OTOP1: variants seen among roughly 807,000 people sequenced by gnomAD.
OTOP1 encodes otopetrin 1.
In OTOP1, 59 loss-of-function variants were observed where a neutral mutation model predicts 52.9. The observed-to-expected ratio is 1.12, with a 90% CI of 0.91 to 1.39. The LOEUF is 1.39. OTOP1 is among the 40% of genes most tolerant of loss of function. The pLI, the probability that OTOP1 is intolerant of heterozygous loss-of-function variation, is 0.00. For synonymous variants in OTOP1, 317 were observed against 337.7 expected (o/e 0.94, Z 0.67); for missense variants, 761 against 800.9 (o/e 0.95, Z 0.60).
intron 5 of OTOP1, among the ~76,000 whole-genome samples, chr4:4,191,433 T>C (rs1184052774): frequency 1.3e-5 from 2 of 152,068 alleles, no homozygotes; most frequent in Admixed American, 1.3e-4. Context: ...AAATCTACAC[T>C]CCCGCATGGG....
chr4:4,201,404 G>T (rs1716783179), intron 4 of OTOP1, among the ~76,000 whole-genome samples: 1 of 150,826 alleles, frequency 6.6e-6, no homozygotes, highest in African/African-American at 2.4e-5. Context: ...TCCAGCTTAG[G>T]CAACAGAGTG....
chr4:4,202,672 C>A, intron 3 of OTOP1, 94 bp from the exon 4 acceptor site: 1 of 1,479,488 alleles, frequency 6.8e-7, no homozygotes, highest in Non-Finnish European at 9.3e-7. Context: ...TACATGGCTC[C>A]TTCTCAGCCA....
In OTOP1 at chr4:4,188,982, G is replaced by A. The variant is rs1716430032; in HGVS notation, c.1669-9C>T. On this transcript the variant is annotated splice_polypyrimidine_tract_variant and intron_variant, in intron 5 of 5. Transcript: ENST00000296358. ...GCGGGAGGTATCCAAAGCTGCAAGA[G>A]AAGAGAAAATGGCATGTGGTGGGGA... 1 of 1,609,898 alleles carries A rather than the reference G, an allele frequency of 6.2e-7. No individual in the cohort carries two copies. Among genetic ancestry groups the A allele is most frequent in the Non-Finnish European group, 8.5e-7 (1 of 1,178,026 alleles).
chr4:4,199,604 G>T (rs1716734493), intron 4 of OTOP1, among the ~76,000 whole-genome samples: 1 of 152,064 alleles, frequency 6.6e-6, no homozygotes, highest in Non-Finnish European at 1.5e-5. Context: ...GTAGAGACAG[G>T]GTTCCGCCAC....
At chr4:4,204,317 C>T (rs747653765) in intron 3 of OTOP1, among the ~76,000 whole-genome samples, 2 of 152,144 alleles carry the variant, frequency 1.3e-5, no homozygotes, top group South Asian at 2.1e-4. Flanking sequence ...CAGCCTTCCC[C>T]GAGGTGCCTG....
At chr4:4,225,425 T>G (rs538863957) in intron 1 of OTOP1, among the ~76,000 whole-genome samples, 2 of 152,220 alleles carry the variant, frequency 1.3e-5, no homozygotes, top group South Asian at 4.2e-4. Flanking sequence ...AAAACTTAGC[T>G]GGGCAAGGCC....
chr4:4,192,213 G>A (rs1341815503), intron 5 of OTOP1, among the ~76,000 whole-genome samples: 4 of 152,090 alleles, frequency 2.6e-5, no homozygotes, highest in Admixed American at 2.0e-4. Flanking sequence ...CACCAAGTAC[G>A]GAGTCCGACC....
chr4:4,195,323 G>A (rs868641926), intron 5 of OTOP1, among the ~76,000 whole-genome samples: 1 of 152,184 alleles, frequency 6.6e-6, no homozygotes, highest in Non-Finnish European at 1.5e-5. Context: ...TGATAACCTG[G>A]TGAACTTCCA....
chr4:4,189,004 G>A, intron 5 of OTOP1, 31 bp from the exon 6 acceptor site: 2 of 1,601,142 alleles, frequency 1.2e-6, no homozygotes, highest in Non-Finnish European at 1.7e-6. Context: ...GCATGTGGTG[G>A]GGAGCAGCTT....
At chr4:4,196,967 A>T (rs1195285685) in intron 5 of OTOP1, among the ~76,000 whole-genome samples, 199 bp downstream of exon 5, 1 of 152,110 alleles carries the variant, frequency 6.6e-6, no homozygotes, top group African/African-American at 2.4e-5. Context: ...TACTAGGGGG[A>T]GAGGCCGGAA....
At chr4:4,189,067 C>T (rs1560203454) in intron 5 of OTOP1, 94 bp from the exon 6 acceptor site, 3 of 1,147,380 alleles carry the variant, frequency 2.6e-6, no homozygotes, top group Middle Eastern at 2.1e-4. Context: ...GGAGCTGAAC[C>T]TAATGCACAG....
At chr4:4,208,165 C>T (rs1413361225) in intron 2 of OTOP1, among the ~76,000 whole-genome samples, 1 of 152,188 alleles carries the variant, frequency 6.6e-6, no homozygotes, top group Non-Finnish European at 1.5e-5. Context: ...GATCAGCTAT[C>T]CATTTACATT....
At position 4,197,352 on chromosome 4, in the gene OTOP1, G is replaced by C. The variant is rs769864702; in HGVS notation, c.1482C>G (p.Asp494Glu). ...VARDVAPQGK[D>E]MPPAANGNVC... ...CATTTCCATTGGCTGCTGGTGGCAT[G>C]TCCTTGCCCTGGGGAGCCACATCTC... The change falls in exon 5 of 6, where the codon GAC becomes GAG. Residue 494 changes from aspartate (D) to glutamate (E), a missense_variant. Physicochemically the swap from Asp to Glu is conservative, Grantham distance 45. Around this residue, in one of 3 missense-constraint regions of OTOP1, gnomAD observed 632 missense variants for 619.5 expected, o/e 1.02. Transcript: ENST00000296358. 6.2e-7 allele frequency: 1 copy of C among 1,614,050 alleles called. No homozygotes were observed. Among genetic ancestry groups the C allele is most frequent in the East Asian group, 2.2e-5 (1 of 44,862 alleles).
At position 4,202,475 on chromosome 4, in the gene OTOP1, T is replaced by C; in HGVS notation, c.703A>G (p.Thr235Ala). 1 of 1,613,738 alleles carries C rather than the reference T, an allele frequency of 6.2e-7. No homozygotes were observed. Among genetic ancestry groups the C allele is most frequent in the Non-Finnish European group, 8.5e-7 (1 of 1,179,876 alleles). ...GTTGTTATGTTCCCAAAACCCAGAG[T>C]GATGAGCCGTTCCTTGTGCTCATTG... is the stretch of plus-strand genomic sequence containing the variant. ...QLNEHKERLI[T>A]LGFGNITTVL... Residue 235 changes from threonine to alanine, a missense_variant, in exon 4 of 6, where the codon ACT (threonine) becomes GCT (alanine). By Grantham distance (58) the Thr-to-Ala change is moderately conservative. Coordinates refer to ENST00000296358, the MANE Select transcript of OTOP1 (RefSeq NM_177998.3).
At chr4:4,214,923 C>T (rs1301901941) in intron 1 of OTOP1, among the ~76,000 whole-genome samples, 1 of 152,110 alleles carries the variant, frequency 6.6e-6, no homozygotes, top group Non-Finnish European at 1.5e-5. Context: ...CACTTAAAAA[C>T]TGGTAAGTTG....
chr4:4,203,256 G>C (rs1231921305), intron 3 of OTOP1, among the ~76,000 whole-genome samples: 1 of 152,250 alleles, frequency 6.6e-6, no homozygotes, highest in Non-Finnish European at 1.5e-5. Context: ...ATGAAGGCTG[G>C]AGTTGTGGTG....
At chr4:4,220,357 T>C (rs1717274470) in intron 1 of OTOP1, among the ~76,000 whole-genome samples, 1 of 152,060 alleles carries the variant, frequency 6.6e-6, no homozygotes, top group African/African-American at 2.4e-5. Flanking sequence ...CTTTGATATG[T>C]ATATAAAATC....
chr4:4,196,972 C>T (rs1395545406), intron 5 of OTOP1, among the ~76,000 whole-genome samples, 194 bp downstream of exon 5: 2 of 152,034 alleles, frequency 1.3e-5, no homozygotes, highest in Admixed American at 1.3e-4. Context: ...GGGGGAGAGG[C>T]CGGAAGCGGG....
In OTOP1 at chr4:4,210,069, G is replaced by A. The variant is rs140544113; in HGVS notation, c.540+2799C>T. ...CTCTGGTCAAAGCACTGAGCCCAGC[G>A]TTGTCACTGTTTTGGGGACTGTCTC... is the stretch of plus-strand genomic sequence containing the variant. On this transcript the variant is annotated intron_variant, in intron 2 of 5. Coordinates refer to ENST00000296358, the MANE Select transcript of OTOP1 (RefSeq NM_177998.3). Among the ~76,000 whole-genome samples the A allele has an allele frequency of 6.9e-3, 1,056 of 152,260 alleles. 16 individuals carry two copies. The highest frequency in any genetic ancestry group is 0.024 in the African/African-American group (1,000 of 41,554).
Sources: allele counts gnomAD v4.1 joint callset (sites outside exome capture counted in the v4.1 genomes callset), GRCh38; gene constraint gnomAD v4.1.1; regional missense constraint gnomAD v4.1.1; transcripts MANE v1.5; gene names NCBI Gene and HGNC (gene_info 2026-07-23, HGNC 2026-07-21).